Variants in IVNS1ABP observed in about 807,000 individuals in gnomAD.
IVNS1ABP encodes the protein influenza virus NS1A binding protein, also known as influenza virus NS1A-binding protein.
IVNS1ABP carries 25 observed loss-of-function variants against 78.9 expected under a neutral mutation model. That is an observed-to-expected ratio of 0.32 (90% CI 0.23 to 0.44). The LOEUF is 0.44. Ranked by LOEUF, IVNS1ABP falls within the 20% of genes least tolerant of loss-of-function variation. IVNS1ABP has a pLI of 1.00. For missense variants in IVNS1ABP, 494 were observed against 768.9 expected (o/e 0.64, Z 4.23); for synonymous variants, 241 against 259.7 (o/e 0.93, Z 0.69).
intron 1 of IVNS1ABP, among the ~76,000 whole-genome samples, chr1:185,316,160 T>A (rs535229210): frequency 5.3e-5 from 8 of 152,204 alleles, no homozygotes; most frequent in Non-Finnish European, 8.8e-5. Context: ...CACTGATTTC[T>A]TTCATAAAAA....
At chr1:185,315,290 T>G (rs1665986062) in intron 1 of IVNS1ABP, among the ~76,000 whole-genome samples, 1 of 152,188 alleles carries the variant, frequency 6.6e-6, no homozygotes, top group Non-Finnish European at 1.5e-5. Flanking sequence ...TAACAAATCC[T>G]TCAAGCAAGA....
rs1558114497 is a variant in IVNS1ABP at position 185,299,814 on chromosome 1, T to G, written c.1571A>C (p.Asn524Thr). The G allele has an allele frequency of 6.2e-7, 1 of 1,613,674 alleles. No homozygotes were observed. Among genetic ancestry groups the G allele is most frequent in the Non-Finnish European group, 8.5e-7 (1 of 1,179,790 alleles). ...LYIIGGAESW[N>T]CLNTVERYNP... ...GTATCGTTCTACTGTGTTCAGACAA[T>G]TCCAAGATTCTGCACCTCCGATTAT... Residue 524 changes from asparagine to threonine, a missense_variant, in exon 14 of 15, where the codon AAT (asparagine) becomes ACT (threonine). Physicochemically the swap from Asn to Thr is moderately conservative, Grantham distance 65. Coordinates refer to ENST00000367498, the MANE Select transcript of IVNS1ABP (RefSeq NM_006469.5).
chr1:185,312,189 C>G (rs1380111757), intron 1 of IVNS1ABP, among the ~76,000 whole-genome samples: 1 of 152,140 alleles, frequency 6.6e-6, no homozygotes, highest in African/African-American at 2.4e-5. Flanking sequence ...AATAAACTAC[C>G]AATGGAATCA....
Position 185,300,212 on chromosome 1 carries a change from A to G in IVNS1ABP, c.1369+5T>C. 1.2e-6 allele frequency: 2 copies of G among 1,612,698 alleles called. No homozygotes were observed. Among genetic ancestry groups the G allele is most frequent in the Non-Finnish European group, 1.7e-6 (2 of 1,179,274 alleles). On this transcript the variant is annotated splice_donor_5th_base_variant and intron_variant, in intron 12 of 14. Coordinates refer to ENST00000367498, the MANE Select transcript of IVNS1ABP (RefSeq NM_006469.5). The stretch of plus-strand genomic sequence containing the variant: ...CTGGATATCTCAGGAGAAAACTATT[A>G]TTACCTGCATTACAACGGTTAGTTC...
Position 185,300,250 on chromosome 1 carries a change from CA to C in IVNS1ABP, c.1335del (p.Val446PhefsTer4). The C allele has an allele frequency of 6.2e-7, 1 of 1,613,346 alleles. No homozygotes were observed. On this transcript the variant is annotated frameshift_variant, in exon 12 of 15. Transcript: ENST00000367498. LOFTEE classifies it high-confidence loss of function. ...MYDSNIDDWI[P>X]VPELRTNRCN... is the part of the protein sequence containing the mutation. ...CAACGGTTAGTTCTCAATTCTGGAA[CA>C]GGAATCCAGTCATCTATGTTTGAAT...
intron 11 of IVNS1ABP, 23 bp from the exon 12 acceptor site, chr1:185,300,366 GAATTTCT>G (rs1363372802): frequency 6.2e-7 from 1 of 1,613,252 alleles, no homozygotes; most frequent in Non-Finnish European, 8.5e-7. Flanking sequence ...TGAGAGATGA[GAATTTCT>G]AACATCCTGA....
At chr1:185,306,979 A>T in intron 7 of IVNS1ABP, 35 bp downstream of exon 7, 2 of 1,600,858 alleles carry the variant, frequency 1.2e-6, no homozygotes, top group South Asian at 1.1e-5. Context: ...AATAATTTTT[A>T]AAAATGGTTG....
In IVNS1ABP at chr1:185,296,976, A is replaced by G. The variant is rs532416886; in HGVS notation, c.*1059T>C. On this transcript the variant is annotated 3_prime_UTR_variant, in exon 15 of 15. Transcript: ENST00000367498. The stretch of plus-strand genomic sequence containing the variant: ...CATTAGGACATGCTATTTTGGCCCC[A>G]TAAGTTAGGTGTGTAGCACTACACA... 2.0e-5 allele frequency: 3 copies of G among 152,264 alleles called. No homozygotes were observed. The highest frequency in any genetic ancestry group is 4.1e-4 in the South Asian group (2 of 4,830). The allele number at this position is 152,264 out of a possible 1,614,324, so 9.4% of individuals were successfully genotyped here. A position where few individuals can be genotyped will look rare whatever the true frequency, so the allele number is the denominator to read the frequency against.
At chr1:185,304,537 T>A (rs908249231) in intron 8 of IVNS1ABP, among the ~76,000 whole-genome samples, 1 of 152,180 alleles carries the variant, frequency 6.6e-6, no homozygotes, top group African/African-American at 2.4e-5. Flanking sequence ...CTCTGATTTT[T>A]AAAGAAAAGC....
rs143246252 is a variant in IVNS1ABP at position 185,309,146 on chromosome 1, G to A, written c.138C>T (p.His46=). ...LQVCGHEMLA[H]RAVLACCSPY... is the part of the protein sequence containing the mutation. The stretch of plus-strand genomic sequence containing the variant: ...GACTGCAGCAAGCTAGCACTGCTCT[G>A]TGTGCTAACATTTCATGGCCACAGA... The change falls in exon 4 of 15, where the codon CAC becomes CAT. Residue 46 remains histidine, a synonymous_variant. Transcript: ENST00000367498. 6.9e-6 allele frequency: 11 copies of A among 1,598,490 alleles called. No individual in the cohort carries two copies. Among genetic ancestry groups the A allele is most frequent in the Non-Finnish European group, 8.5e-6 (10 of 1,174,820 alleles).
At position 185,300,460 on chromosome 1, in the gene IVNS1ABP, G is replaced by T. The variant is rs1433288494; in HGVS notation, c.1219C>A (p.Arg407=). Residue 407 remains arginine (R), a synonymous_variant, in exon 11 of 15, where the codon CGA becomes AGA. Transcript: ENST00000367498. The part of the protein sequence containing the change: ...FLAPMRTPRA[R]FQMAVLMGQL... ...ACCATGAGTACAGCCATTTGAAATC[G>T]GGCTCTTGGTGTTCTCATGGGAGCA... 3 of 1,613,606 alleles carry T rather than the reference G, an allele frequency of 1.9e-6. No homozygotes were observed. In the Admixed American group the frequency reaches 5.0e-5, roughly 27 times the overall value.
rs1665533776 is a variant in IVNS1ABP, at chr1:185,300,149, A to G, written c.1370-19T>C. The stretch of plus-strand genomic sequence containing the variant: ...CACACTCCTATGTAAGTATAAAATA[A>G]AGTTACATATTGATAATTTAATTAT... On this transcript the variant is annotated intron_variant, in intron 12 of 14. Transcript: ENST00000367498. 3.1e-6 allele frequency: 5 copies of G among 1,607,684 alleles called. No homozygotes were observed. The East Asian group carries it at 1.1e-4, about 36-fold the overall frequency.
chr1:185,314,721 G>A (rs1239691579), intron 1 of IVNS1ABP, among the ~76,000 whole-genome samples: 1 of 152,158 alleles, frequency 6.6e-6, no homozygotes, highest in South Asian at 2.1e-4. Context: ...TTAAGGCAGT[G>A]AGGACTTAAG....
At chr1:185,306,499 C>T (rs1296119915) in intron 7 of IVNS1ABP, 3 of 1,289,424 alleles carry the variant, frequency 2.3e-6, no homozygotes, top group Admixed American at 2.3e-5. Context: ...AAATCATCAT[C>T]GTTCTCTGCC....
chr1:185,312,887 C>T (rs1339046159), intron 1 of IVNS1ABP, among the ~76,000 whole-genome samples: 2 of 152,148 alleles, frequency 1.3e-5, no homozygotes. Context: ...GGTCAATTCA[C>T]AGGCATAGTT....
In IVNS1ABP at chr1:185,297,900, T is replaced by C. The variant is rs1466625924; in HGVS notation, c.*135A>G. On this transcript the variant is annotated 3_prime_UTR_variant, in exon 15 of 15. Coordinates refer to ENST00000367498, the MANE Select transcript of IVNS1ABP (RefSeq NM_006469.5). ...CAAAAAGTATGTACAGCATGTTTAA[T>C]AGTATGCAATATGCAAAAGCTTTGT... 3 of 778,312 alleles carry C rather than the reference T, an allele frequency of 3.9e-6. No individual in the cohort carries two copies. The highest frequency in any genetic ancestry group is 1.7e-5 in the African/African-American group (1 of 57,430). 48.2% of individuals were successfully genotyped at this position (778,312 alleles called of 1,614,324 possible).
At chr1:185,301,340 C>A in intron 9 of IVNS1ABP, 94 bp downstream of exon 9, 1 of 1,497,872 alleles carries the variant, frequency 6.7e-7, no homozygotes, top group Non-Finnish European at 9.2e-7. Context: ...TGAGTTTTTT[C>A]CTCGAGTAGT....
chr1:185,301,875 A>G (rs1665610937), intron 8 of IVNS1ABP, among the ~76,000 whole-genome samples: 1 of 152,204 alleles, frequency 6.6e-6, no homozygotes, highest in South Asian at 2.1e-4. Flanking sequence ...TTATTTTTAT[A>G]TTAAGTATAG....
At position 185,300,128 on chromosome 1, in the gene IVNS1ABP, C is replaced by T; in HGVS notation, c.1372G>A (p.Val458Met). ...TATAACTTTCCATTCAGAGCACACA[C>T]TCCTATGTAAGTATAAAATAAAGTT... is the stretch of plus-strand genomic sequence containing the variant. ...ELRTNRCNAGVCALNGKLYIV... is the reference protein window; with the variant it reads ...ELRTNRCNAGMCALNGKLYIV... Residue 458 changes from valine to methionine, a missense_variant and splice_region_variant, in exon 13 of 15, where the codon GTG (valine) becomes ATG (methionine). Physicochemically the swap from Val to Met is conservative, Grantham distance 21 (BLOSUM62 1). Coordinates refer to ENST00000367498, the MANE Select transcript of IVNS1ABP (RefSeq NM_006469.5). 6.2e-7 allele frequency: 1 copy of T among 1,612,052 alleles called. No individual in the cohort carries two copies.
Sources: allele counts gnomAD v4.1 joint callset (sites outside exome capture counted in the v4.1 genomes callset), GRCh38; gene constraint gnomAD v4.1.1; transcripts MANE v1.5; gene names NCBI Gene and HGNC (gene_info 2026-07-23, HGNC 2026-07-21).